Variants in XRCC1 observed in about 807,000 individuals in gnomAD.
XRCC1 encodes X-ray repair cross complementing 1.
Under a neutral mutation model 83.3 loss-of-function variants are expected in XRCC1, and 52 were observed. The observed-to-expected ratio is 0.62, with a 90% CI of 0.50 to 0.79. The LOEUF is 0.79. XRCC1 is among the 30% of genes least tolerant of loss of function. The probability of loss-of-function intolerance (pLI) is 0.00; values close to 1 mark genes in which losing one functional copy is unlikely to be tolerated. For missense variants in XRCC1, 793 were observed against 823.5 expected (o/e 0.96, Z 0.45); for synonymous variants, 281 against 312.6 (o/e 0.90, Z 1.07).
chr19:43,575,470 G>T lies in XRCC1; in HGVS notation c.-12C>A, dbSNP rs1371731843. On this transcript the variant is annotated 5_prime_UTR_variant, in exon 1 of 17. Transcript: ENST00000262887. ...CGGATCTCCGGCATGTCAACGTCGT[G>T]GGCTTCGCCTGGCCAGAAGGATGAG... is the stretch of plus-strand genomic sequence containing the variant. 7 of 1,611,796 alleles carry T rather than the reference G, an allele frequency of 4.3e-6. No homozygotes were observed. The highest frequency in any genetic ancestry group is 3.3e-5 in the Admixed American group (2 of 59,848).
rs376989976 is a variant in XRCC1, at chr19:43,560,848, G to A, written c.255+62C>T. 22 of 1,382,298 alleles carry A rather than the reference G, an allele frequency of 1.6e-5. No homozygotes were observed. The East Asian group carries it at 1.8e-4, about 11-fold the overall frequency. The allele number at this position is 1,382,298 out of a possible 1,614,324, so 85.6% of individuals were successfully genotyped here. A position where few individuals can be genotyped will look rare whatever the true frequency, so the allele number is the denominator to read the frequency against. ...CTTCCCAGCCCCAGCCCCTGGGGGA[G>A]ACGGTGATGCGAGCATGAGGGGCAG... On this transcript the variant is annotated intron_variant, in intron 3 of 16. Coordinates refer to ENST00000262887, the MANE Select transcript of XRCC1 (RefSeq NM_006297.3).
intron 9 of XRCC1, 50 bp from the exon 10 acceptor site, chr19:43,551,737 A>C: frequency 7.1e-7 from 1 of 1,410,796 alleles, no homozygotes; most frequent in South Asian, 1.2e-5. Context: ...TCTGAGGGGC[A>C]AAGGGGAACG....
At chr19:43,565,761 C>A (rs1000924101) in intron 2 of XRCC1, among the ~76,000 whole-genome samples, 1 of 151,994 alleles carries the variant, frequency 6.6e-6, no homozygotes. Flanking sequence ...CATAGCAAAA[C>A]CCTGTCTCTA....
chr19:43,545,495 T>G (rs544198130), intron 14 of XRCC1, among the ~76,000 whole-genome samples: 2 of 152,194 alleles, frequency 1.3e-5, no homozygotes, highest in Admixed American at 1.3e-4. Flanking sequence ...GAACGGCACC[T>G]GAGCAAGTGA....
chr19:43,562,669 G>C (rs1450643462), intron 2 of XRCC1, among the ~76,000 whole-genome samples: 1 of 152,126 alleles, frequency 6.6e-6, no homozygotes, highest in Non-Finnish European at 1.5e-5. Context: ...GCGTGAGCCT[G>C]GGGAGGTCAA....
chr19:43,552,218 GC>G lies in XRCC1; in HGVS notation c.880del (p.Ala294GlnfsTer2), dbSNP rs778950011. The G allele has an allele frequency of 6.2e-6, 10 of 1,613,602 alleles. No individual in the cohort carries two copies. The African/African-American group carries it at 1.2e-4, about 19-fold the overall frequency. ...TTCTCCTCGGGGTTTGCCTGTCACT[GC>G]CCCCTGTGCTCGGGCAGGGACTGGG... ...TAPVPARAQGAVTGKPRGEGT... is the reference protein window; with the variant it reads ...TAPVPARAQGXVTGKPRGEGT... On this transcript the variant is annotated frameshift_variant, in exon 9 of 17. Coordinates refer to ENST00000262887, the MANE Select transcript of XRCC1 (RefSeq NM_006297.3). LOFTEE classifies it high-confidence loss of function.
chr19:43,569,159 A>G (rs1328744910), intron 2 of XRCC1, among the ~76,000 whole-genome samples: 1 of 151,960 alleles, frequency 6.6e-6, no homozygotes, highest in Non-Finnish European at 1.5e-5. Flanking sequence ...AGTTATCTCA[A>G]TACAACAGAA....
intron 3 of XRCC1, among the ~76,000 whole-genome samples, chr19:43,559,193 A>G (rs1678731300): frequency 6.6e-6 from 1 of 151,632 alleles, no homozygotes; most frequent in African/African-American, 2.4e-5. Context: ...TAAAAAAGAT[A>G]CAGAAAAGGG....
chr19:43,550,570 G>A (rs1972564853), intron 10 of XRCC1, among the ~76,000 whole-genome samples: 1 of 152,150 alleles, frequency 6.6e-6, no homozygotes, highest in African/African-American at 2.4e-5. Context: ...AGGCCATGGA[G>A]TACAATCCAG....
At chr19:43,545,982 A>G (rs370735924) in intron 13 of XRCC1, 25 bp from the exon 14 acceptor site, 3 of 1,613,610 alleles carry the variant, frequency 1.9e-6, no homozygotes, top group African/African-American at 2.7e-5. Context: ...AGGAGTAGAG[A>G]GTGAGCATGC....
intron 2 of XRCC1, among the ~76,000 whole-genome samples, chr19:43,568,739 T>TTGGG (rs1972778631): frequency 6.8e-6 from 1 of 148,116 alleles, no homozygotes; most frequent in African/African-American, 2.5e-5. Flanking sequence ...GAGAGAAGAA[T>TTGGG]GAGGGAGCAG....
rs757493328 is a variant in XRCC1 at position 43,552,142 on chromosome 19, G to A, written c.957C>T (p.Ile319=). ...TCAGCACCACTACCACACCCTGAAG[G>A]ATCTTCCCCAGCTCCTCTGGGCCAG... ...PRAGPEELGK[I]LQGVVVVLSG... Residue 319 remains isoleucine, a synonymous_variant, in exon 9 of 17, where the codon ATC becomes ATT. Transcript: ENST00000262887. The A allele has an allele frequency of 1.9e-6, 3 of 1,614,092 alleles. No homozygotes were observed. The highest frequency in any genetic ancestry group is 1.7e-6 in the Non-Finnish European group (2 of 1,179,988).
chr19:43,545,700 A>T lies in XRCC1; in HGVS notation c.1621+118T>A. ...TGCTGAGGCAGGGAGTGGGTTGAGG[A>T]AGGAGAGGGGAGGCAAGACACGGGG... On this transcript the variant is annotated intron_variant, in intron 14 of 16. Coordinates refer to ENST00000262887, the MANE Select transcript of XRCC1 (RefSeq NM_006297.3). 16 of 1,359,822 alleles carry T rather than the reference A, an allele frequency of 1.2e-5. No individual in the cohort carries two copies. The South Asian group carries it at 2.2e-4, about 18-fold the overall frequency. The allele number at this position is 1,359,822 out of a possible 1,614,324, so 84.2% of individuals were successfully genotyped here. A position where few individuals can be genotyped will look rare whatever the true frequency, so the allele number is the denominator to read the frequency against.
chr19:43,553,231 G>C, intron 6 of XRCC1, 140 bp from the exon 7 acceptor site: 2 of 1,167,232 alleles, frequency 1.7e-6, no homozygotes, highest in East Asian at 2.6e-5. Context: ...TCAACCCTCA[G>C]GACACAAGAG....
At chr19:43,561,069 C>G in intron 2 of XRCC1, 49 bp from the exon 3 acceptor site, 1 of 1,458,534 alleles carries the variant, frequency 6.9e-7, no homozygotes, top group South Asian at 1.1e-5. Flanking sequence ...TGCCTCTGGG[C>G]TCACTGTGGG....
chr19:43,553,011 C>G lies in XRCC1; in HGVS notation c.682G>C (p.Val228Leu). 6.2e-7 allele frequency: 1 copy of G among 1,602,898 alleles called. No individual in the cohort carries two copies. The highest frequency in any genetic ancestry group is 8.5e-7 in the Non-Finnish European group (1 of 1,175,086). The change falls in exon 7 of 17, where the codon GTC (valine) becomes CTC (leucine). Residue 228 changes from valine (V) to leucine (L), a missense_variant. Transcript: ENST00000262887. ...ASSAASSASP[V>L]SRAIGSTSKP... ...GAGGTGCTGCCTATGGCCCTGGAGA[C>G]TGGAGAGGCTGAGGAGGCAGCACTA...
At chr19:43,548,779 A>AAAAAACAAAAAAAAAC (rs1972546401) in intron 10 of XRCC1, among the ~76,000 whole-genome samples, 5 of 141,740 alleles carry the variant, frequency 3.5e-5, no homozygotes, top group African/African-American at 1.0e-4. Context: ...AAAAAAAAAA[A>AAAAAACAAAAAAAAAC]AAAAAAACAC....
chr19:43,558,412 G>A (rs1030156877), intron 3 of XRCC1, among the ~76,000 whole-genome samples: 6 of 152,026 alleles, frequency 3.9e-5, no homozygotes, highest in Non-Finnish European at 7.4e-5. Context: ...GCAGCAGGTG[G>A]ATCACCTGAC....
chr19:43,571,371 C>T (rs559778275), intron 2 of XRCC1, among the ~76,000 whole-genome samples: 1 of 152,178 alleles, frequency 6.6e-6, no homozygotes, highest in Non-Finnish European at 1.5e-5. Flanking sequence ...AAATCCTTGC[C>T]ACTGCTCCAG....
Sources: gnomAD v4.1 joint callset for allele counts (sites outside exome capture counted in the v4.1 genomes callset) on GRCh38, gnomAD v4.1.1 for gene constraint, MANE v1.5 for transcripts, NCBI Gene and HGNC (gene_info 2026-07-23, HGNC 2026-07-21) for gene names.